ERICH1: variants seen among roughly 807,000 people sequenced by gnomAD.
The protein encoded by ERICH1 is glutamate-rich protein 1.
A neutral mutation model predicts 39.6 loss-of-function variants in ERICH1; 56 were observed. The observed-to-expected ratio is 1.41, with a 90% confidence interval of 1.14 to 1.77. The LOEUF is 1.77. ERICH1 is among the 40% of genes most tolerant of loss of function. The pLI is 0.00. For missense variants in ERICH1, 826 were observed against 575.4 expected, an observed-to-expected ratio of 1.44 and a Z score of -4.45; for synonymous variants, 313 against 223.6, an observed-to-expected ratio of 1.40 and a Z score of -3.57.
At chr8:634,467 G>A (rs1798273033) in intron 3 of ERICH1, among the ~76,000 whole-genome samples, 1 of 152,218 alleles carries the variant, frequency 6.6e-6, no homozygotes, top group South Asian at 2.1e-4. Context: ...CGTCTCCTGG[G>A]CGTACACCCA....
intron 2 of ERICH1, among the ~76,000 whole-genome samples, chr8:697,508 C>T (rs1810599283): frequency 6.6e-6 from 1 of 152,202 alleles, no homozygotes; most frequent in African/African-American, 2.4e-5. Context: ...AGTGACAGGC[C>T]TGCAGGTCCC....
downstream of ERICH1, among the ~76,000 whole-genome samples, chr8:662,328 A>T (rs1371035190): frequency 2.0e-5 from 3 of 152,262 alleles, no homozygotes; most frequent in African/African-American, 7.2e-5. Flanking sequence ...ATTTATTTTC[A>T]TATTTGCAAA....
At chr8:677,314 C>A (rs541863766) in intron 3 of ERICH1, among the ~76,000 whole-genome samples, 2 of 152,244 alleles carry the variant, frequency 1.3e-5, no homozygotes, top group Non-Finnish European at 2.9e-5. Context: ...CGCTGTGGAA[C>A]TGTGAGATGA....
chr8:704,193 C>T (rs950109350), intron 2 of ERICH1, among the ~76,000 whole-genome samples: 28 of 152,134 alleles, frequency 1.8e-4, no homozygotes, highest in African/African-American at 6.8e-4. Flanking sequence ...ATTTATCTCC[C>T]AAAAACCATT....
chr8:716,079 A>G, intron 1 of ERICH1, 72 bp from the exon 2 acceptor site: 1 of 1,507,702 alleles, frequency 6.6e-7, no homozygotes, highest in South Asian at 1.4e-5. Context: ...ATCACACGTG[A>G]CTTTTACTCT....
chr8:642,154 T>C (rs1420780802), intron 3 of ERICH1, among the ~76,000 whole-genome samples: 1 of 152,186 alleles, frequency 6.6e-6, no homozygotes, highest in Non-Finnish European at 1.5e-5. Context: ...CAAGCTCTGC[T>C]TGGACACTGG....
In ERICH1 at chr8:673,457, CACCGTCCTCCTCCCTGGTGTCTTT is replaced by C. The variant is rs568811121; in HGVS notation, c.871_894del (p.Lys291_Gly298del). On this transcript the variant is annotated inframe_deletion, in exon 4 of 6. Coordinates refer to ENST00000262109, the MANE Select transcript of ERICH1 (RefSeq NM_207332.3). ...GTCGGGTCTTCCTCGCTGGCGTCCG[CACCGTCCTCCTCCCTGGTGTCTTT>C]ACCGTCTTCCTCCCCGGCCCGTGTC... is the stretch of plus-strand genomic sequence containing the variant. 6.7e-4 allele frequency: 1,080 copies of C among 1,613,968 alleles called. 13 individuals are homozygous for C. The African/African-American group carries it at 0.012, about 19-fold the overall frequency.
chr8:670,500 C>G (rs1054902383), intron 4 of ERICH1, among the ~76,000 whole-genome samples: 12 of 152,302 alleles, frequency 7.9e-5, no homozygotes, highest in African/African-American at 2.9e-4. Context: ...ATCCCCTGGA[C>G]CGTGCAGGGA....
intron 3 of ERICH1, among the ~76,000 whole-genome samples, chr8:687,958 C>G (rs933037156): frequency 3.9e-5 from 6 of 152,060 alleles, no homozygotes; most frequent in Admixed American, 3.3e-4. Flanking sequence ...GACATCCCGG[C>G]GGCGAGAAGG....
intron 1 of ERICH1, among the ~76,000 whole-genome samples, chr8:716,790 A>T (rs2132355473): frequency 6.6e-6 from 1 of 152,192 alleles, no homozygotes; most frequent in African/African-American, 2.4e-5. Flanking sequence ...ACTTGGCCTG[A>T]CTGGAGGCGT....
At chr8:726,972 C>G (rs1021337637) in intron 1 of ERICH1, among the ~76,000 whole-genome samples, 3 of 132,866 alleles carry the variant, frequency 2.3e-5, no homozygotes, top group Admixed American at 2.1e-4. Context: ...CATGCACACA[C>G]GTACACATAC....
At chr8:631,396 G>A (rs1383175599) in intron 3 of ERICH1, among the ~76,000 whole-genome samples, 1 of 152,170 alleles carries the variant, frequency 6.6e-6, no homozygotes, top group Non-Finnish European at 1.5e-5. Context: ...AGAGGTGTGC[G>A]GGGCAGGGGG....
intron 2 of ERICH1, among the ~76,000 whole-genome samples, chr8:693,251 A>G (rs1015984252): frequency 1.3e-5 from 2 of 152,174 alleles, no homozygotes; most frequent in Non-Finnish European, 2.9e-5. Context: ...CAAATACACA[A>G]GCACACACAG....
At chr8:660,077 G>A (rs1367020019), downstream of ERICH1, among the ~76,000 whole-genome samples, 3 of 152,342 alleles carry the variant, frequency 2.0e-5, no homozygotes, top group East Asian at 1.9e-4. Context: ...CTGAGGCAAC[G>A]AGGTGGGGCT....
chr8:630,237 G>A, intron 3 of ERICH1, among the ~76,000 whole-genome samples: 1 of 118,838 alleles, frequency 8.4e-6, no homozygotes, highest in Non-Finnish European at 1.7e-5. Flanking sequence ...CACCCACACA[G>A]ACAGAGCTGA....
intron 3 of ERICH1, among the ~76,000 whole-genome samples, chr8:618,030 C>T (rs1289835126): frequency 2.7e-5 from 4 of 150,204 alleles, no homozygotes; most frequent in East Asian, 2.0e-4. Context: ...TCCATCCTCA[C>T]TGCCATATGA....
At chr8:716,089 T>C (rs1262222867) in intron 1 of ERICH1, 82 bp from the exon 2 acceptor site, 2 of 1,483,850 alleles carry the variant, frequency 1.3e-6, no homozygotes, top group Non-Finnish European at 1.8e-6. Flanking sequence ...ACTTTTACTC[T>C]ACACAAACAC....
chr8:627,034 T>G (rs1372231366), intron 3 of ERICH1: 4 of 444,912 alleles, frequency 9.0e-6, no homozygotes, highest in Non-Finnish European at 1.4e-5. Context: ...GACACTCCCT[T>G]CTGTCTCCTC....
At chr8:695,823 T>C (rs76006959) in intron 2 of ERICH1, among the ~76,000 whole-genome samples, 111 of 70,700 alleles carry the variant, frequency 1.6e-3, no homozygotes, top group South Asian at 3.5e-3. Flanking sequence ...TCACCCTCCC[T>C]TCCTCTCCTC....
Sources: allele counts gnomAD v4.1 joint callset (sites outside exome capture counted in the v4.1 genomes callset), GRCh38; gene constraint gnomAD v4.1.1; transcripts MANE v1.5; gene names NCBI Gene and HGNC (gene_info 2026-07-23, HGNC 2026-07-21).